Variants in LAS1L observed in about 807,000 individuals in gnomAD.
LAS1L encodes the protein LAS1 like ribosome biogenesis factor.
In LAS1L, 5 loss-of-function variants were observed where a neutral mutation model predicts 57.3. The observed-to-expected ratio is 0.09, with a 90% CI of 0.05 to 0.18. The LOEUF is 0.18. Among genes scored for constraint, LAS1L ranks in the 10% least tolerant of loss-of-function variants. The pLI is 1.00. For synonymous variants in LAS1L, 245 were observed against 231.7 expected, an observed-to-expected ratio of 1.06 and a Z score of -0.52; for missense variants, 360 against 568.3, an observed-to-expected ratio of 0.63 and a Z score of 3.73.
intron 13 of LAS1L, 22 bp from the exon 14 acceptor site, chrX:65,512,923 A>G: frequency 8.6e-7 from 1 of 1,157,478 alleles, no homozygotes; most frequent in South Asian, 1.9e-5. Context: ...GTGGGAGGTC[A>G]GTCAGGGAAG....
intron 7 of LAS1L, among the ~76,000 whole-genome samples, chrX:65,525,748 CAAAAAA>C (rs772564998): frequency 1.6e-4 from 6 of 38,237 alleles, no homozygotes; most frequent in African/African-American, 5.7e-4. Flanking sequence ...TCTGATTTTT[CAAAAAA>C]AAAAAAAAAA....
chrX:65,514,534 G>GCACACACACACACA (rs56718186), intron 13 of LAS1L, among the ~76,000 whole-genome samples: 23 of 88,850 alleles, frequency 2.6e-4, no homozygotes, highest in African/African-American at 8.6e-4. Flanking sequence ...GTGTGTGCCT[G>GCACACACACACACA]CACACACACA....
At chrX:65,523,535 A>C (rs1569437490) in intron 11 of LAS1L, 25 bp downstream of exon 11, 1 of 1,151,686 alleles carries the variant, frequency 8.7e-7, no homozygotes, top group African/African-American at 1.8e-5. Flanking sequence ...TCACCCTCTT[A>C]CCGGATGGAA....
At position 65,534,672 on chromosome X, in the gene LAS1L, C is replaced by T. The variant is rs751046552; in HGVS notation, c.44G>A (p.Gly15Glu). The T allele has an allele frequency of 8.4e-7, 1 of 1,185,871 alleles. No homozygotes were observed. Residue 15 changes from glycine (G) to glutamate (E), a missense_variant, in exon 1 of 14, where the codon GGG becomes GAG. By Grantham distance (98) the Gly-to-Glu change is moderately conservative (BLOSUM62 -2). Around this residue, in one of 7 missense-constraint regions of LAS1L, gnomAD observed 36 missense variants for 27.9 expected, o/e 1.29. Transcript: ENST00000374811. ...CCACGCACTCCACACGAGATCCATC[C>T]CCTGGGAACCTAGACCTGGCCCGGC... ...SGAGPGLGSQ[G>E]MDLVWSAWYG... is the part of the protein sequence containing the mutation.
chrX:65,526,356 A>T (rs1323772030), intron 7 of LAS1L, among the ~76,000 whole-genome samples: 1 of 111,629 alleles, frequency 9.0e-6, no homozygotes, highest in Non-Finnish European at 1.9e-5. Context: ...AAATTGACAT[A>T]CTTAGATCCC....
intron 13 of LAS1L, 65 bp from the exon 14 acceptor site, chrX:65,512,966 T>G: frequency 9.6e-7 from 1 of 1,039,772 alleles, no homozygotes; most frequent in South Asian, 2.4e-5. Context: ...GGGCCAAGAG[T>G]GCTTGACATG....
intron 12 of LAS1L, among the ~76,000 whole-genome samples, chrX:65,516,715 T>C (rs1382899756): frequency 9.2e-6 from 1 of 108,727 alleles, no homozygotes; most frequent in Non-Finnish European, 1.9e-5. Context: ...CCTTTCAATA[T>C]TTACAAAGAA....
intron 12 of LAS1L, among the ~76,000 whole-genome samples, chrX:65,516,611 T>C (rs1175299959): frequency 1.9e-5 from 2 of 102,662 alleles, no homozygotes; most frequent in Non-Finnish European, 3.9e-5. Flanking sequence ...ATGACTTAAC[T>C]GCCCCTACTT....
intron 12 of LAS1L, among the ~76,000 whole-genome samples, chrX:65,515,879 A>G (rs186823311): frequency 1.5e-3 from 170 of 111,379 alleles, no homozygotes; most frequent in African/African-American, 5.3e-3. Context: ...CACATTCACA[A>G]CTCACATCCC....
chrX:65,528,498 G>T (rs771758902), intron 6 of LAS1L, 129 bp from the exon 7 acceptor site: 2 of 437,523 alleles, frequency 4.6e-6, no homozygotes, highest in Admixed American at 4.1e-5. Context: ...ATGCAGGGGG[G>T]GGCCCACAAC....
chrX:65,517,977 TA>T lies in LAS1L; in HGVS notation c.1927+9del, dbSNP rs774312008. On this transcript the variant is annotated intron_variant, in intron 12 of 13. Coordinates refer to ENST00000374811, the MANE Select transcript of LAS1L (RefSeq NM_031206.7). ...AAAAGAAGTCCATGTGGGGACAAAG[TA>T]GTTCTTACCTGAGCTAACCTGCCAT... 1.6e-5 allele frequency: 19 copies of T among 1,176,824 alleles called. No homozygotes were observed. In the East Asian group the frequency reaches 2.4e-4, roughly 15 times the overall value.
At position 65,534,727 on chromosome X, in the gene LAS1L, C is replaced by T; in HGVS notation, c.-12G>A. ...GATTCCCACGACATACTGAGCTCAA[C>T]AACAGGCTCTGTGCCGCGCCGCTCC... is the stretch of plus-strand genomic sequence containing the variant. On this transcript the variant is annotated 5_prime_UTR_variant, in exon 1 of 14. Transcript: ENST00000374811. 1 of 1,139,185 alleles carries T rather than the reference C, an allele frequency of 8.8e-7. No individual in the cohort carries two copies. The highest frequency in any genetic ancestry group is 1.2e-6 in the Non-Finnish European group (1 of 847,693). The allele number at this position is 1,139,185 out of a possible 1,213,427, so 93.9% of individuals were successfully genotyped here. A position where few individuals can be genotyped will look rare whatever the true frequency, so the allele number is the denominator to read the frequency against.
intron 4 of LAS1L, among the ~76,000 whole-genome samples, chrX:65,530,221 A>G (rs1230018753): frequency 8.9e-6 from 1 of 112,527 alleles, no homozygotes; most frequent in Non-Finnish European, 1.9e-5. Context: ...CTGTTTTCCC[A>G]TCACAAAGAG....
At chrX:65,522,791 G>A (rs767382301) in intron 11 of LAS1L, 3 of 112,291 alleles carry the variant, frequency 2.7e-5, no homozygotes, top group South Asian at 7.5e-4. Flanking sequence ...GAATAGCTCC[G>A]AATGATGGAA....
intron 7 of LAS1L, among the ~76,000 whole-genome samples, chrX:65,527,670 T>C (rs745757360): frequency 1.0e-4 from 11 of 109,717 alleles, no homozygotes; most frequent in African/African-American, 3.3e-4. Flanking sequence ...CTGTCTCCAC[T>C]GAAAATACAA....
chrX:65,529,901 T>TGCCACAGGATCAGGCAGGCAGC, intron 4 of LAS1L, 23 bp from the exon 5 acceptor site: 1 of 1,200,691 alleles, frequency 8.3e-7, no homozygotes, highest in South Asian at 1.8e-5. Context: ...AGGCAGGCAG[T>TGCCACAGGATCAGGCAGGCAGC]GCCACAGGAT....
In LAS1L at chrX:65,534,076, C is replaced by A. The variant is rs186750654; in HGVS notation, c.237-341G>T. On this transcript the variant is annotated intron_variant, in intron 1 of 13. Coordinates refer to ENST00000374811, the MANE Select transcript of LAS1L (RefSeq NM_031206.7). ...TCGGCTCCCAACTCAATCTTACCAA[C>A]TGGACTGAGGCGCCCCACTCAAACA... Among the ~76,000 whole-genome samples the A allele has an allele frequency of 1.1e-4, 12 of 111,560 alleles. No homozygotes were observed. The East Asian group carries it at 3.1e-3, about 29-fold the overall frequency.
chrX:65,523,680 C>G lies in LAS1L; in HGVS notation c.1328G>C (p.Gly443Ala). 8.4e-7 allele frequency: 1 copy of G among 1,196,721 alleles called. No homozygotes were observed. The highest frequency in any genetic ancestry group is 1.1e-6 in the Non-Finnish European group (1 of 888,065). The change falls in exon 11 of 14, where the codon GGC becomes GCC. Residue 443 changes from glycine (G) to alanine (A), a missense_variant. Around this residue, in one of 7 missense-constraint regions of LAS1L, gnomAD observed 81 missense variants for 192.1 expected, o/e 0.42. Transcript: ENST00000374811. ...TGRNARRFSA[G>A]QWEARRGWRL... ...CCAGCCCCTTCTTGCTTCCCACTGG[C>G]CTGCAGAAAATCGGCGAGCATTCCG...
At chrX:65,513,356 C>A (rs1218805099) in intron 13 of LAS1L, among the ~76,000 whole-genome samples, 1 of 111,961 alleles carries the variant, frequency 8.9e-6, no homozygotes, top group Non-Finnish European at 1.9e-5. Context: ...CCCACGATTG[C>A]AAGATTGCTT....
Sources: allele counts gnomAD v4.1 joint callset (sites outside exome capture counted in the v4.1 genomes callset), GRCh38; gene constraint gnomAD v4.1.1; regional missense constraint gnomAD v4.1.1; transcripts MANE v1.5; gene names NCBI Gene and HGNC (gene_info 2026-07-23, HGNC 2026-07-21).